PCDHGC4: variants seen among roughly 807,000 people sequenced by gnomAD.
PCDHGC4 encodes the protein protocadherin gamma subfamily C, 4.
PCDHGC4 carries 15 observed loss-of-function variants against 59.7 expected under a neutral mutation model. The observed-to-expected ratio is 0.25, with a 90% CI of 0.17 to 0.39. The LOEUF (loss-of-function observed/expected upper bound fraction) is 0.39. PCDHGC4 is among the 10% of genes least tolerant of loss of function. The pLI is 1.00. For missense variants in PCDHGC4, 1,016 were observed against 1,189.5 expected (o/e 0.85, Z 2.15); for synonymous variants, 434 against 481.4 (o/e 0.90, Z 1.29).
intron 1 of PCDHGC4, 138 bp from the exon 2 acceptor site, chr5:141,494,669 T>A: frequency 6.5e-7 from 1 of 1,527,472 alleles, no homozygotes; most frequent in South Asian, 1.2e-5. Context: ...TGGAGATGAG[T>A]CCACCCCTGC....
chr5:141,486,138 C>T lies in PCDHGC4; in HGVS notation c.965C>T (p.Ala322Val). Residue 322 changes from alanine (A) to valine (V), a missense_variant, in exon 1 of 4, where the codon GCT (alanine) becomes GTT (valine). Physicochemically the swap from Ala to Val is moderately conservative, Grantham distance 64. Transcript: ENST00000306593. This position sits in a 1 kb window ranked among gnomAD's most constrained non-coding sequence, Gnocchi z 5.0. Reference protein sequence around the residue: ...SENYYEFDVRARDGGSPAMEQ... With the variant: ...SENYYEFDVRVRDGGSPAMEQ... ...AATTACTATGAATTTGATGTGCGGG[C>T]TCGCGATGGGGGTTCTCCAGCCATG... The T allele has an allele frequency of 6.2e-7, 1 of 1,614,212 alleles. No individual in the cohort carries two copies. The highest frequency in any genetic ancestry group is 1.3e-5 in the African/African-American group (1 of 75,052).
chr5:141,505,413 C>T lies in PCDHGC4; in HGVS notation c.2522C>T (p.Thr841Ile), dbSNP rs1240988786. ...CCCAGCTCCCAAAATGGCGATGACA[C>T]CGGCACCTGGCCCAACAACCAGTTT... is the stretch of plus-strand genomic sequence containing the variant. ...GTSGSQNGDD[T>I]GTWPNNQFDT... Residue 841 changes from threonine to isoleucine, a missense_variant, in exon 3 of 4, where the codon ACC becomes ATC. By Grantham distance (89) the Thr-to-Ile change is moderately conservative. Coordinates refer to ENST00000306593, the MANE Select transcript of PCDHGC4 (RefSeq NM_018928.3). 10 of 1,614,202 alleles carry T rather than the reference C, an allele frequency of 6.2e-6. No homozygotes were observed. Among genetic ancestry groups the T allele is most frequent in the Non-Finnish European group, 7.6e-6 (9 of 1,180,046 alleles).
intron 1 of PCDHGC4, among the ~76,000 whole-genome samples, chr5:141,488,225 T>G (rs2099673126): frequency 6.6e-6 from 1 of 152,136 alleles, no homozygotes. Flanking sequence ...CTACTGGGGA[T>G]TTGAACTAGA....
intron 2 of PCDHGC4, among the ~76,000 whole-genome samples, chr5:141,496,013 T>C (rs2154591828): frequency 6.6e-6 from 1 of 152,134 alleles, no homozygotes; most frequent in East Asian, 1.9e-4. Flanking sequence ...CTTGTCTTTT[T>C]TCTCTGAGCC....
chr5:141,487,392 G>A lies in PCDHGC4; in HGVS notation c.2219G>A (p.Arg740Lys), dbSNP rs773126086. 2 of 1,614,176 alleles carry A rather than the reference G, an allele frequency of 1.2e-6. No individual in the cohort carries two copies. Among genetic ancestry groups the A allele is most frequent in the Non-Finnish European group, 1.7e-6 (2 of 1,180,024 alleles). Residue 740 changes from arginine (R) to lysine (K), a missense_variant, in exon 1 of 4, where the codon AGG becomes AAG. By Grantham distance (26) the Arg-to-Lys change is conservative. Transcript: ENST00000306593. This position sits in a 1 kb window ranked among gnomAD's most constrained non-coding sequence, Gnocchi z 5.0. ...TCACLTRSRRREGLPPSNGIL... is the reference protein window; with the variant it reads ...TCACLTRSRRKEGLPPSNGIL... ...GCCTGTCTCACCAGATCTCGAAGGA[G>A]GGAGGGGCTTCCCCCTTCCAATGGG...
At chr5:141,501,510 T>G (rs11744379) in intron 2 of PCDHGC4, among the ~76,000 whole-genome samples, 29,206 of 151,772 alleles carry the variant, frequency 0.19, 2,837 homozygotes, top group Middle Eastern at 0.24. Context: ...CTCCAAGGCC[T>G]CCAAGCTGAA....
In PCDHGC4 at chr5:141,485,865, C is replaced by T. The variant is rs1214425261; in HGVS notation, c.692C>T (p.Ser231Phe). ...PRSGTAELRV[S>F]VLDVNDNAPA... The stretch of plus-strand genomic sequence containing the variant: ...TCTGGCACCGCAGAGCTCCGGGTAT[C>T]CGTGCTGGACGTAAACGACAACGCC... Residue 231 changes from serine to phenylalanine, a missense_variant, in exon 1 of 4, where the codon TCC becomes TTC. By Grantham distance (155) the Ser-to-Phe change is radical (BLOSUM62 -2). Transcript: ENST00000306593. The surrounding 1 kb of genome is among the most constrained non-coding windows in gnomAD (Gnocchi z 5.7). 23 of 1,614,182 alleles carry T rather than the reference C, an allele frequency of 1.4e-5. No homozygotes were observed. Among genetic ancestry groups the T allele is most frequent in the Non-Finnish European group, 1.8e-5 (21 of 1,180,034 alleles).
At chr5:141,499,828 A>G (rs921957227) in intron 2 of PCDHGC4, among the ~76,000 whole-genome samples, 1 of 151,834 alleles carries the variant, frequency 6.6e-6, no homozygotes, top group Non-Finnish European at 1.5e-5. Context: ...CTAGGATTAC[A>G]GGTGTGCACC....
intron 2 of PCDHGC4, among the ~76,000 whole-genome samples, chr5:141,500,182 A>T (rs1050067271): frequency 4.6e-5 from 6 of 131,718 alleles, no homozygotes; most frequent in African/African-American, 1.9e-4. Context: ...CTTCATTTTT[A>T]TTTTTATTTA....
rs1347978078 is a variant in PCDHGC4, at chr5:141,486,800, C to G, written c.1627C>G (p.Pro543Ala). ...FEVQARDRGN[P>A]PLSSTVTVRL... ...GGTGCAGGCCCGGGATCGGGGCAAC[C>G]CACCCCTTAGCAGCACTGTAACAGT... Residue 543 changes from proline (P) to alanine (A), a missense_variant, in exon 1 of 4, where the codon CCA becomes GCA. Pro to Ala is a conservative substitution (Grantham distance 27, BLOSUM62 -1). Coordinates refer to ENST00000306593, the MANE Select transcript of PCDHGC4 (RefSeq NM_018928.3). The surrounding 1 kb of genome is among the most constrained non-coding windows in gnomAD (Gnocchi z 5.0). 1.9e-6 allele frequency: 3 copies of G among 1,614,104 alleles called. No individual in the cohort carries two copies. In the Admixed American group the frequency reaches 5.0e-5, roughly 27 times the overall value.
intron 2 of PCDHGC4, among the ~76,000 whole-genome samples, chr5:141,504,704 A>G (rs965376942): frequency 1.3e-5 from 2 of 151,356 alleles, no homozygotes; most frequent in African/African-American, 4.8e-5. Flanking sequence ...AGGTTCTTCT[A>G]TGGCCGTGGA....
Position 141,490,282 on chromosome 5 carries a change from C to T in PCDHGC4, c.2442+2667C>T, listed in dbSNP as rs763429413. 1.2e-6 allele frequency: 2 copies of T among 1,614,194 alleles called. No individual in the cohort carries two copies. The highest frequency in any genetic ancestry group is 1.7e-6 in the Non-Finnish European group (2 of 1,180,036). ...TGTGGGGGATGTCAATGACAATGCC[C>T]CAGAGGTGCTATTGGCCTCTTTGGC... On this transcript the variant is annotated intron_variant, in intron 1 of 3. Transcript: ENST00000306593. This position sits in a 1 kb window ranked among gnomAD's most constrained non-coding sequence, Gnocchi z 5.4.
chr5:141,510,426 T>C (rs983368750), intron 3 of PCDHGC4, among the ~76,000 whole-genome samples: 1 of 152,084 alleles, frequency 6.6e-6, no homozygotes, highest in African/African-American at 2.4e-5. Flanking sequence ...CATGGTTTCA[T>C]GGCTGCTGCC....
Position 141,491,900 on chromosome 5 carries a change from G to C in PCDHGC4, c.2443-2907G>C. ...TAAGGGATGGGGCTCCGAGCACCGG[G>C]GGTGGTGGCGACTGTGGGCGAGGGG... On this transcript the variant is annotated intron_variant, in intron 1 of 3. Transcript: ENST00000306593. This position sits in a 1 kb window ranked among gnomAD's most constrained non-coding sequence, Gnocchi z 6.9. 1 of 1,429,936 alleles carries C rather than the reference G, an allele frequency of 7.0e-7. No homozygotes were observed. Among genetic ancestry groups the C allele is most frequent in the South Asian group, 1.5e-5 (1 of 67,072 alleles). 88.6% of individuals were successfully genotyped at this position (1,429,936 alleles called of 1,614,324 possible). A position where few individuals can be genotyped will look rare whatever the true frequency, so the allele number is the denominator to read the frequency against.
At position 141,489,559 on chromosome 5, in the gene PCDHGC4, C is replaced by A; in HGVS notation, c.2442+1944C>A. ...CAGCACCAGCTGCCTGCTGCCAGTG[C>A]AGGTGGTGACTGAACACCCCCTGGA... On this transcript the variant is annotated intron_variant, in intron 1 of 3. Coordinates refer to ENST00000306593, the MANE Select transcript of PCDHGC4 (RefSeq NM_018928.3). This position sits in a 1 kb window ranked among gnomAD's most constrained non-coding sequence, Gnocchi z 4.5. The A allele has an allele frequency of 6.2e-7, 1 of 1,614,078 alleles. No homozygotes were observed. The highest frequency in any genetic ancestry group is 8.5e-7 in the Non-Finnish European group (1 of 1,180,014).
At position 141,511,140 on chromosome 5, in the gene PCDHGC4, C is replaced by G. The variant is rs1405623579; in HGVS notation, c.2784C>G (p.Asn928Lys). Residue 928 changes from asparagine (N) to lysine (K), a missense_variant, in exon 4 of 4, where the codon AAC becomes AAG. Physicochemically the swap from Asn to Lys is moderately conservative, Grantham distance 94. Transcript: ENST00000306593. ...AGGCCCCAGCAGGTGGCAATGGCAACAAGAAGAAGTCGGGCAAGAAGGAGA... is the reference window on the plus strand; with the variant it reads ...AGGCCCCAGCAGGTGGCAATGGCAAGAAGAAGAAGTCGGGCAAGAAGGAGA... Reference protein sequence around the residue: ...DGKAPAGGNGNKKKSGKKEKK With the variant: ...DGKAPAGGNGKKKKSGKKEKK 2.5e-6 allele frequency: 4 copies of G among 1,614,068 alleles called. No homozygotes were observed. Among genetic ancestry groups the G allele is most frequent in the Admixed American group, 1.7e-5 (1 of 60,008 alleles).
chr5:141,494,434 T>A (rs976526647), intron 1 of PCDHGC4, among the ~76,000 whole-genome samples: 2 of 152,166 alleles, frequency 1.3e-5, no homozygotes, highest in Middle Eastern at 3.2e-3. Flanking sequence ...AAAAGCCTCC[T>A]TTGCCACTTT....
intron 3 of PCDHGC4, among the ~76,000 whole-genome samples, chr5:141,509,068 G>A (rs1267011061): frequency 6.6e-6 from 1 of 152,144 alleles, no homozygotes; most frequent in Non-Finnish European, 1.5e-5. Flanking sequence ...TCTCAGCTCC[G>A]GGGATTTGCG....
chr5:141,489,425 G>A lies in PCDHGC4; in HGVS notation c.2442+1810G>A, dbSNP rs779739693. 18 of 1,614,000 alleles carry A rather than the reference G, an allele frequency of 1.1e-5. No homozygotes were observed. Among genetic ancestry groups the A allele is most frequent in the South Asian group, 5.5e-5 (5 of 91,074 alleles). The stretch of plus-strand genomic sequence containing the variant: ...TTAAAGATGACAGATCTGTTGAGCC[G>A]GCGGCTGCAATTGGGCTCTGAGGAG... On this transcript the variant is annotated intron_variant, in intron 1 of 3. Transcript: ENST00000306593. This position sits in a 1 kb window ranked among gnomAD's most constrained non-coding sequence, Gnocchi z 4.5.
Sources: allele counts gnomAD v4.1 joint callset (sites outside exome capture counted in the v4.1 genomes callset), GRCh38; gene constraint gnomAD v4.1.1; non-coding constraint Gnocchi (gnomAD v3.1); transcripts MANE v1.5; gene names NCBI Gene and HGNC (gene_info 2026-07-23, HGNC 2026-07-21).